CDH13: variants seen among roughly 807,000 people sequenced by gnomAD.
CDH13 encodes the protein cadherin 13, also known as cadherin-13.
In CDH13, 24 loss-of-function variants were observed where a neutral mutation model predicts 63.8. The observed-to-expected ratio is 0.38, with a 90% CI of 0.27 to 0.53. The LOEUF (loss-of-function observed/expected upper bound fraction) is 0.53. CDH13 is among the 20% of genes least tolerant of loss of function. CDH13 has a pLI of 0.85. For missense variants in CDH13, 1,049 were observed against 903.1 expected, an observed-to-expected ratio of 1.16 and a Z score of -2.07; for synonymous variants, 503 against 355.3, an observed-to-expected ratio of 1.42 and a Z score of -4.67.
chr16:83,036,165 T>TTTTTTC (rs1555567836), intron 3 of CDH13, among the ~76,000 whole-genome samples: 4 of 147,988 alleles, frequency 2.7e-5, no homozygotes, highest in African/African-American at 1.0e-4. Context: ...TTTTTTTTTT[T>TTTTTTC]TGAGATAGGG....
chr16:83,470,912 C>T (rs2073436082), intron 6 of CDH13, among the ~76,000 whole-genome samples: 1 of 152,180 alleles, frequency 6.6e-6, no homozygotes, highest in Non-Finnish European at 1.5e-5. Flanking sequence ...GTAGGCAAGG[C>T]TGGTTCCTTC....
chr16:83,478,410 C>T (rs750311930), intron 6 of CDH13, among the ~76,000 whole-genome samples: 5 of 152,108 alleles, frequency 3.3e-5, no homozygotes, highest in Non-Finnish European at 7.3e-5. Flanking sequence ...AGAGTCCCAC[C>T]TTTGAGGCCA....
At chr16:83,466,680 A>G (rs986533111) in intron 6 of CDH13, among the ~76,000 whole-genome samples, 2 of 152,172 alleles carry the variant, frequency 1.3e-5, no homozygotes, top group Non-Finnish European at 2.9e-5. Flanking sequence ...ACAAGGAACA[A>G]ATCTCCTGGT....
chr16:82,695,982 C>G (rs2030237333), intron 1 of CDH13, among the ~76,000 whole-genome samples: 1 of 152,182 alleles, frequency 6.6e-6, no homozygotes, highest in Non-Finnish European at 1.5e-5. Flanking sequence ...ATCAATTTTT[C>G]CACAACACTA....
At chr16:83,469,992 T>G (rs2073414226) in intron 6 of CDH13, among the ~76,000 whole-genome samples, 1 of 152,212 alleles carries the variant, frequency 6.6e-6, no homozygotes, top group Non-Finnish European at 1.5e-5. Context: ...CATAAATTTC[T>G]TTTACTTGGC....
chr16:83,443,712 A>G (rs2072554763), intron 6 of CDH13, among the ~76,000 whole-genome samples: 1 of 91,924 alleles, frequency 1.1e-5, no homozygotes, highest in Non-Finnish European at 1.9e-5. Flanking sequence ...TACGAAAAAA[A>G]AAAAAAAAAA....
chr16:82,847,733 T>A (rs962460979), intron 1 of CDH13, among the ~76,000 whole-genome samples: 5 of 152,160 alleles, frequency 3.3e-5, no homozygotes, highest in African/African-American at 4.8e-5. Context: ...CATTAAAGCT[T>A]CCCAGTGACC....
chr16:83,645,658 C>T (rs1159589647), intron 8 of CDH13, among the ~76,000 whole-genome samples: 2 of 152,036 alleles, frequency 1.3e-5, no homozygotes, highest in African/African-American at 4.8e-5. Flanking sequence ...CTTCCCCATC[C>T]TTCTCCAATC....
intron 1 of CDH13, among the ~76,000 whole-genome samples, chr16:82,830,111 G>A (rs979822108): frequency 3.3e-5 from 5 of 152,074 alleles, no homozygotes; most frequent in African/African-American, 1.2e-4. Context: ...CCAGATGAGG[G>A]AGCAAAGTTT....
chr16:83,465,129 C>T (rs753696023), intron 6 of CDH13, among the ~76,000 whole-genome samples: 1 of 152,170 alleles, frequency 6.6e-6, no homozygotes, highest in Non-Finnish European at 1.5e-5. Context: ...TGCGGGGATT[C>T]ATTAATCAAC....
chr16:83,791,630 G>T (rs1382245970), intron 13 of CDH13, among the ~76,000 whole-genome samples: 1 of 151,928 alleles, frequency 6.6e-6, no homozygotes, highest in South Asian at 2.1e-4. Context: ...GACCAACGTG[G>T]TGAAACCCCA....
intron 8 of CDH13, among the ~76,000 whole-genome samples, chr16:83,658,940 GTCC>G (rs1913166755): frequency 8.9e-6 from 1 of 112,682 alleles, no homozygotes; most frequent in Non-Finnish European, 1.8e-5. Context: ...AAGGTCCCAT[GTCC>G]TCACCACCAG....
intron 3 of CDH13, among the ~76,000 whole-genome samples, chr16:83,043,613 C>T (rs943378533): frequency 2.0e-5 from 3 of 151,838 alleles, no homozygotes; most frequent in Non-Finnish European, 4.4e-5. Context: ...AATCCCAGCA[C>T]TTTAAGAGGC....
At position 83,430,663 on chromosome 16, in the gene CDH13, A is replaced by C. The variant is rs189140250; in HGVS notation, c.782-55814A>C. ...TGAAAGAGATCATTTCACTGTTGGT[A>C]GGTTGAAATTGTAAGAAAGTTCTTT... is the stretch of plus-strand genomic sequence containing the variant. On this transcript the variant is annotated intron_variant, in intron 6 of 13. Transcript: ENST00000567109. 3.6e-3 allele frequency among the ~76,000 whole-genome samples: 550 copies of C among 152,318 alleles called. 3 individuals carry two copies. The highest frequency in any genetic ancestry group is 5.4e-3 in the Non-Finnish European group (369 of 68,028).
chr16:82,695,535 TGCTCCTAACGTA>T (rs755690940), intron 1 of CDH13, among the ~76,000 whole-genome samples: 10 of 152,222 alleles, frequency 6.6e-5, no homozygotes, highest in Non-Finnish European at 1.3e-4. Flanking sequence ...TGGTGTGTGC[TGCTCCTAACGTA>T]GCTTTGGAGT....
intron 2 of CDH13, among the ~76,000 whole-genome samples, chr16:82,964,523 A>G (rs751760176): frequency 4.6e-5 from 7 of 152,228 alleles, no homozygotes; most frequent in Non-Finnish European, 5.9e-5. Flanking sequence ...GGTTTTCTTT[A>G]TTAATAAAGG....
intron 1 of CDH13, among the ~76,000 whole-genome samples, chr16:82,671,187 G>T (rs1375735390): frequency 6.6e-6 from 1 of 152,170 alleles, no homozygotes; most frequent in African/African-American, 2.4e-5. Context: ...TAAATTGCTT[G>T]TAAATAAAGT....
chr16:83,490,154 C>G (rs1307916958), intron 7 of CDH13, among the ~76,000 whole-genome samples: 1 of 152,162 alleles, frequency 6.6e-6, no homozygotes, highest in Non-Finnish European at 1.5e-5. Context: ...GTGACACGAG[C>G]TAAGTTGACA....
At chr16:82,820,772 T>G (rs750434675) in intron 1 of CDH13, among the ~76,000 whole-genome samples, 5 of 152,226 alleles carry the variant, frequency 3.3e-5, no homozygotes, top group Non-Finnish European at 5.9e-5. Context: ...TTATTAAGGA[T>G]TATACATTTA....
Sources: gnomAD v4.1 joint callset for allele counts (sites outside exome capture counted in the v4.1 genomes callset) on GRCh38, gnomAD v4.1.1 for gene constraint, MANE v1.5 for transcripts, NCBI Gene and HGNC (gene_info 2026-07-23, HGNC 2026-07-21) for gene names.